The following ENOX2 variants were observed in gnomAD, a reference collection of about 807,000 sequenced individuals.
ENOX2 encodes APK1 antigen.
A neutral mutation model predicts 45.0 loss-of-function variants in ENOX2; 36 were observed. The ratio of observed to expected loss-of-function variants is 0.80; its 90% CI spans 0.61 to 1.06. The LOEUF (loss-of-function observed/expected upper bound fraction) is 1.06. Among genes scored for constraint, ENOX2 ranks in the 50% least tolerant of loss-of-function variants. The pLI is 0.00. For synonymous variants in ENOX2, 174 were observed against 152.3 expected (o/e 1.14, Z -1.05); for missense variants, 423 against 462.5 (o/e 0.91, Z 0.78).
At chrX:130,671,794 A>G (rs370435121) in intron 6 of ENOX2, among the ~76,000 whole-genome samples, 11 of 111,804 alleles carry the variant, frequency 9.8e-5, no homozygotes, top group African/African-American at 3.6e-4. Flanking sequence ...GTCTTGCTGA[A>G]CAAAGCTTAA....
chrX:130,627,589 A>G (rs1373845569), intron 14 of ENOX2, among the ~76,000 whole-genome samples: 2 of 111,675 alleles, frequency 1.8e-5, no homozygotes, highest in African/African-American at 6.5e-5. Context: ...TCAAAAAAAA[A>G]AGTTTGGTGG....
chrX:130,681,045 T>C (rs1423352326), intron 5 of ENOX2, among the ~76,000 whole-genome samples: 1 of 112,570 alleles, frequency 8.9e-6, no homozygotes, highest in Non-Finnish European at 1.9e-5. Context: ...TGTTAATTTT[T>C]ACAAGTCTGT....
chrX:130,731,125 T>C (rs1054299340), intron 3 of ENOX2, among the ~76,000 whole-genome samples: 1 of 111,468 alleles, frequency 9.0e-6, no homozygotes, highest in African/African-American at 3.3e-5. Flanking sequence ...GGTTTGATTA[T>C]CAGATTCCCC....
chrX:130,884,368 T>A (rs1459997846), intron 2 of ENOX2, among the ~76,000 whole-genome samples: 3 of 112,366 alleles, frequency 2.7e-5, no homozygotes, highest in African/African-American at 9.7e-5. Flanking sequence ...ATACTTGCTC[T>A]ATCTCTGGCC....
chrX:130,834,202 A>T (rs2077887668), intron 2 of ENOX2, among the ~76,000 whole-genome samples: 1 of 111,413 alleles, frequency 9.0e-6, no homozygotes, highest in Non-Finnish European at 1.9e-5. Context: ...ACTCCTAGAC[A>T]TAACCTTTAT....
chrX:130,792,587 G>A, intron 2 of ENOX2, among the ~76,000 whole-genome samples: 1 of 111,604 alleles, frequency 9.0e-6, no homozygotes, highest in Non-Finnish European at 1.9e-5. Context: ...GAGGTCGGGA[G>A]TTCGAGACCA....
At chrX:130,764,396 T>C (rs1212604302) in intron 3 of ENOX2, among the ~76,000 whole-genome samples, 1 of 111,143 alleles carries the variant, frequency 9.0e-6, no homozygotes, top group Non-Finnish European at 1.9e-5. Context: ...CATTACACAT[T>C]GAACCCCCAA....
At chrX:130,882,333 GAAAAAA>G (rs148363895) in intron 2 of ENOX2, among the ~76,000 whole-genome samples, 1 of 79,753 alleles carries the variant, frequency 1.3e-5, no homozygotes, top group Admixed American at 1.4e-4. Context: ...TGTCTATTTG[GAAAAAA>G]AAAAAAAAAA....
intron 2 of ENOX2, among the ~76,000 whole-genome samples, chrX:130,796,056 T>C (rs1404304358): frequency 9.1e-6 from 1 of 110,181 alleles, no homozygotes; most frequent in East Asian, 2.8e-4. Context: ...ACCACTCCTA[T>C]GGCATGATGA....
chrX:130,712,283 G>T, intron 3 of ENOX2, among the ~76,000 whole-genome samples: 2 of 111,802 alleles, frequency 1.8e-5, no homozygotes, highest in South Asian at 7.6e-4. Flanking sequence ...GCAGGAGAGG[G>T]CTCCCCCAGC....
intron 10 of ENOX2, among the ~76,000 whole-genome samples, chrX:130,643,113 G>T (rs1437891306): frequency 9.0e-6 from 1 of 111,322 alleles, no homozygotes; most frequent in Non-Finnish European, 1.9e-5. Flanking sequence ...ATGGTATAGT[G>T]TTATTTGAAA....
At chrX:130,739,522 A>G (rs2038932670) in intron 3 of ENOX2, among the ~76,000 whole-genome samples, 1 of 112,706 alleles carries the variant, frequency 8.9e-6, no homozygotes, top group Non-Finnish European at 1.9e-5. Context: ...TTTCTAGACA[A>G]TTAAAAATGG....
intron 5 of ENOX2, among the ~76,000 whole-genome samples, chrX:130,686,107 A>T (rs1328471477): frequency 9.0e-6 from 1 of 111,156 alleles, no homozygotes; most frequent in Non-Finnish European, 1.9e-5. Context: ...AAGAGAATAT[A>T]CCAGAGGCAG....
At chrX:130,715,715 T>C (rs1603319861) in intron 3 of ENOX2, among the ~76,000 whole-genome samples, 1 of 111,422 alleles carries the variant, frequency 9.0e-6, no homozygotes, top group African/African-American at 3.3e-5. Context: ...GTGGTTAAGA[T>C]CATAATCTTT....
chrX:130,667,823 C>G (rs926062757), intron 7 of ENOX2, 81 bp from the exon 8 acceptor site: 14 of 787,897 alleles, frequency 1.8e-5, no homozygotes, highest in Non-Finnish European at 2.5e-5. Context: ...AAGAGGGCAT[C>G]ATGATTTTTG....
chrX:130,720,238 C>T (rs1409729903), intron 3 of ENOX2, among the ~76,000 whole-genome samples: 1 of 112,358 alleles, frequency 8.9e-6, no homozygotes, highest in Non-Finnish European at 1.9e-5. Context: ...GTTTTCTTAT[C>T]AGTATTACAT....
At chrX:130,764,377 A>AT (rs2039565516) in intron 3 of ENOX2, among the ~76,000 whole-genome samples, 1 of 110,424 alleles carries the variant, frequency 9.1e-6, no homozygotes, top group Admixed American at 9.7e-5. Flanking sequence ...AGTCTTTTAC[A>AT]TTTTTTCCCA....
chrX:130,726,623 C>T (rs1183653536), intron 3 of ENOX2, among the ~76,000 whole-genome samples: 1 of 112,363 alleles, frequency 8.9e-6, no homozygotes, highest in Non-Finnish European at 1.9e-5. Context: ...CTGCACTCTG[C>T]CAGGGGCATA....
chrX:130,642,276 G>A (rs901090624), intron 10 of ENOX2, among the ~76,000 whole-genome samples: 1 of 111,842 alleles, frequency 8.9e-6, no homozygotes, highest in Admixed American at 9.4e-5. Context: ...GGCAGATGTG[G>A]AGGGAATAGC....
Sources: gnomAD v4.1 joint callset for allele counts (sites outside exome capture counted in the v4.1 genomes callset) on GRCh38, gnomAD v4.1.1 for gene constraint, MANE v1.5 for transcripts, NCBI Gene and HGNC (gene_info 2026-07-23, HGNC 2026-07-21) for gene names.